Variants in CALU observed in about 807,000 individuals in gnomAD.
CALU encodes the protein IEF SSP 9302.
CALU carries 13 observed loss-of-function variants against 37.5 expected under a neutral mutation model. The observed-to-expected ratio is 0.35, with a 90% CI of 0.23 to 0.55. The LOEUF is 0.55. Among genes scored for constraint, CALU ranks in the 20% least tolerant of loss-of-function variants. The pLI, the probability that CALU is intolerant of heterozygous loss-of-function variation, is 0.89. For missense variants in CALU, 282 were observed against 391.7 expected, an observed-to-expected ratio of 0.72 and a Z score of 2.36; for synonymous variants, 114 against 133.8, an observed-to-expected ratio of 0.85 and a Z score of 1.02.
At position 128,770,021 on chromosome 7, in the gene CALU, A is replaced by G. The variant is rs903518569; in HGVS notation, c.*854A>G. Reference sequence around the variant, plus strand: ...CTGTTGAAATGCTCAAGACTTAATTATTTGCCTTTTGAAATCACTGTAAAT... The same window carrying G: ...CTGTTGAAATGCTCAAGACTTAATTGTTTGCCTTTTGAAATCACTGTAAAT... On this transcript the variant is annotated 3_prime_UTR_variant, in exon 7 of 7. Transcript: ENST00000249364. 3.3e-5 allele frequency: 5 copies of G among 152,414 alleles called. No individual in the cohort carries two copies. The highest frequency in any genetic ancestry group is 1.3e-4 in the Admixed American group (2 of 15,266). The allele number at this position is 152,414 out of a possible 1,614,324, so 9.4% of individuals were successfully genotyped here.
intron 5 of CALU, among the ~76,000 whole-genome samples, chr7:128,763,310 C>T (rs1273567441): frequency 1.3e-5 from 2 of 152,044 alleles, no homozygotes; most frequent in Non-Finnish European, 1.5e-5. Context: ...GTGGGCGGAT[C>T]ACAAGGTCAG....
chr7:128,748,191 C>T (rs1800519659), intron 1 of CALU: 3 of 532,182 alleles, frequency 5.6e-6, no homozygotes, highest in Admixed American at 3.7e-5. Context: ...ACCACCAATG[C>T]GTACAAGAAG....
intron 3 of CALU, among the ~76,000 whole-genome samples, chr7:128,756,321 G>A (rs1200094070): frequency 6.6e-6 from 1 of 152,216 alleles, no homozygotes; most frequent in Non-Finnish European, 1.5e-5. Flanking sequence ...ATAAAAATCT[G>A]TTGAGAGCTC....
rs566138364 is a variant in CALU, at chr7:128,746,917, C to T, written c.-11-1656C>T. ...CCAAGTAGCTGGGACTACAGGCACC[C>T]ACCACCACGCCCGGCTAATTTTTTG... On this transcript the variant is annotated intron_variant, in intron 1 of 6. Coordinates refer to ENST00000249364, the MANE Select transcript of CALU (RefSeq NM_001219.5). 1.4e-3 allele frequency among the ~76,000 whole-genome samples: 208 copies of T among 152,088 alleles called. 5 individuals are homozygous for T. In the South Asian group the frequency reaches 0.041, roughly 30 times the overall value.
chr7:128,764,696 A>G (rs917765232), intron 5 of CALU, among the ~76,000 whole-genome samples: 2 of 152,126 alleles, frequency 1.3e-5, no homozygotes, highest in African/African-American at 4.8e-5. Context: ...TTTACATTTC[A>G]TAATAGTTAA....
At chr7:128,754,578 G>A (rs1800797913) in intron 3 of CALU, 123 bp downstream of exon 3, 1 of 1,552,428 alleles carries the variant, frequency 6.4e-7, no homozygotes, top group African/African-American at 1.4e-5. Flanking sequence ...TGTGACGGAG[G>A]GGGAGCTGAA....
rs1801514418 is a variant in CALU at position 128,770,510 on chromosome 7, A to G, written c.*1343A>G. ...GAGAGGGCTCTTTGGTTTGAGGACCATGGCTTACCTTTCCTGCCTTTGACC... is the reference window on the plus strand; with the variant it reads ...GAGAGGGCTCTTTGGTTTGAGGACCGTGGCTTACCTTTCCTGCCTTTGACC... On this transcript the variant is annotated 3_prime_UTR_variant, in exon 7 of 7. Coordinates refer to ENST00000249364, the MANE Select transcript of CALU (RefSeq NM_001219.5). 1 of 151,458 alleles carries G rather than the reference A, an allele frequency of 6.6e-6. No homozygotes were observed. Among genetic ancestry groups the G allele is most frequent in the Non-Finnish European group, 1.5e-5 (1 of 67,950 alleles). The allele number at this position is 151,458 out of a possible 1,614,324, so 9.4% of individuals were successfully genotyped here. A position where few individuals can be genotyped will look rare whatever the true frequency, so the allele number is the denominator to read the frequency against.
intron 5 of CALU, among the ~76,000 whole-genome samples, chr7:128,765,234 T>C (rs1405417986): frequency 2.0e-5 from 3 of 152,170 alleles, no homozygotes; most frequent in African/African-American, 7.2e-5. Context: ...TTTCTTTTTC[T>C]TTTTGAGACA....
intron 1 of CALU, among the ~76,000 whole-genome samples, chr7:128,743,555 TC>T (rs1800319052): frequency 6.6e-6 from 1 of 152,036 alleles, no homozygotes; most frequent in African/African-American, 2.4e-5. Flanking sequence ...AGGGTCTTGT[TC>T]CCTCACCAAG....
intron 5 of CALU, among the ~76,000 whole-genome samples, chr7:128,766,037 A>G (rs972948010): frequency 6.6e-6 from 1 of 152,038 alleles, no homozygotes; most frequent in African/African-American, 2.4e-5. Flanking sequence ...GCTCATTGCA[A>G]CCTCTGCCTC....
intron 2 of CALU, among the ~76,000 whole-genome samples, chr7:128,752,635 C>T (rs1346079874): frequency 6.6e-6 from 1 of 152,150 alleles, no homozygotes; most frequent in Admixed American, 6.5e-5. Context: ...AAAGTTACAA[C>T]AACAAAAATT....
intron 1 of CALU, chr7:128,748,311 A>G (rs1800523970): frequency 1.5e-6 from 2 of 1,365,264 alleles, no homozygotes; most frequent in South Asian, 2.7e-5. Context: ...AGAAAACAGA[A>G]AGTGGACATT....
intron 6 of CALU, among the ~76,000 whole-genome samples, chr7:128,768,001 C>T (rs960118805): frequency 1.3e-5 from 2 of 152,046 alleles, no homozygotes; most frequent in East Asian, 3.9e-4. Context: ...ATTACAGGCC[C>T]ATTCTGTCTA....
intron 1 of CALU, among the ~76,000 whole-genome samples, chr7:128,744,078 T>TG (rs1319472593): frequency 6.6e-6 from 1 of 152,066 alleles, no homozygotes; most frequent in Non-Finnish European, 1.5e-5. Context: ...TGGTAGACCA[T>TG]GCCTGTAATC....
intron 5 of CALU, among the ~76,000 whole-genome samples, chr7:128,766,843 T>G (rs983514240): frequency 1.3e-5 from 2 of 152,222 alleles, no homozygotes; most frequent in Admixed American, 6.5e-5. Flanking sequence ...TATGCCTTTC[T>G]TTTATAAAGT....
chr7:128,770,605 A>T lies in CALU; in HGVS notation c.*1438A>T. The T allele has an allele frequency of 6.6e-6, 1 of 151,400 alleles. No homozygotes were observed. Among genetic ancestry groups the T allele is most frequent in the Non-Finnish European group, 1.5e-5 (1 of 67,932 alleles). The allele number at this position is 151,400 out of a possible 1,614,324, so 9.4% of individuals were successfully genotyped here. On this transcript the variant is annotated 3_prime_UTR_variant, in exon 7 of 7. Transcript: ENST00000249364. Reference sequence around the variant, plus strand: ...AAAAAAAAAAAAGGAAACGTTTATCATGAATCAACAGGGTTTCAGTCCTTA... The same window carrying T: ...AAAAAAAAAAAAGGAAACGTTTATCTTGAATCAACAGGGTTTCAGTCCTTA...
intron 3 of CALU, among the ~76,000 whole-genome samples, chr7:128,757,358 A>AGTGTGTGTGTGTGTGT (rs10638444): frequency 1.9e-3 from 274 of 146,172 alleles, no homozygotes; most frequent in African/African-American, 6.3e-3. Context: ...TATGGCTTTG[A>AGTGTGTGTGTGTGTGT]GTGTGTGTGT....
chr7:128,765,063 C>T (rs1405484450), intron 5 of CALU, among the ~76,000 whole-genome samples: 1 of 151,984 alleles, frequency 6.6e-6, no homozygotes, highest in East Asian at 1.9e-4. Flanking sequence ...AAGAGCACCA[C>T]CACACCCAGC....
chr7:128,758,822 A>G, intron 3 of CALU, 49 bp from the exon 4 acceptor site: 1 of 1,311,650 alleles, frequency 7.6e-7, no homozygotes, highest in Non-Finnish European at 1.1e-6. Flanking sequence ...ACACATTTTC[A>G]TGTTTTCTGA....
Sources: allele counts gnomAD v4.1 joint callset (sites outside exome capture counted in the v4.1 genomes callset), GRCh38; gene constraint gnomAD v4.1.1; transcripts MANE v1.5; gene names NCBI Gene and HGNC (gene_info 2026-07-23, HGNC 2026-07-21).